SNTG1: variants seen among roughly 807,000 people sequenced by gnomAD.
SNTG1 encodes the protein syntrophin gamma 1.
SNTG1 carries 39 observed loss-of-function variants against 74.7 expected under a neutral mutation model. The ratio of observed to expected loss-of-function variants is 0.52; its 90% CI spans 0.40 to 0.68. SNTG1 has a LOEUF of 0.68. Among genes scored for constraint, SNTG1 ranks in the 30% least tolerant of loss-of-function variants. The pLI is 0.00. For missense variants in SNTG1, 685 were observed against 609.5 expected, an observed-to-expected ratio of 1.12 and a Z score of -1.30; for synonymous variants, 254 against 217.1, an observed-to-expected ratio of 1.17 and a Z score of -1.49.
chr8:50,058,139 A>T (rs1270969009), intron 1 of SNTG1, among the ~76,000 whole-genome samples: 1 of 152,102 alleles, frequency 6.6e-6, no homozygotes, highest in African/African-American at 2.4e-5. Context: ...TAAAATTTGC[A>T]CACTATCAAC....
At position 50,118,917 on chromosome 8, in the gene SNTG1, A is replaced by G. The variant is rs145100425; in HGVS notation, c.-102-53644A>G. Among the ~76,000 whole-genome samples, 28 of 141,066 alleles carry G rather than the reference A, an allele frequency of 2.0e-4. 4 individuals carry two copies. Among genetic ancestry groups the G allele is most frequent in the Admixed American group, 3.7e-4 (5 of 13,576 alleles). The allele number at this position is 141,066 out of a possible 152,430, so 92.5% of individuals were successfully genotyped here. On this transcript the variant is annotated intron_variant, in intron 1 of 18. Coordinates refer to ENST00000642720, the MANE Select transcript of SNTG1 (RefSeq NM_018967.5). ...AGAACTTCTTTGTATTAGACTTAGCAGAGACAGATGCCTGTTTTCTGCTTG... is the reference window on the plus strand; with the variant it reads ...AGAACTTCTTTGTATTAGACTTAGCGGAGACAGATGCCTGTTTTCTGCTTG...
At chr8:50,222,493 T>C (rs142206318) in intron 2 of SNTG1, among the ~76,000 whole-genome samples, 6 of 152,350 alleles carry the variant, frequency 3.9e-5, no homozygotes, top group East Asian at 3.9e-4. Flanking sequence ...TTGGGAATCA[T>C]TGAATTCTTC....
chr8:50,627,216 TA>T (rs2131083406), intron 13 of SNTG1, among the ~76,000 whole-genome samples: 1 of 152,326 alleles, frequency 6.6e-6, no homozygotes, highest in South Asian at 2.1e-4. Flanking sequence ...TGATTTTTTG[TA>T]GGTATTACAA....
chr8:50,422,769 A>G (rs898068603), intron 4 of SNTG1, among the ~76,000 whole-genome samples: 7 of 152,150 alleles, frequency 4.6e-5, no homozygotes, highest in South Asian at 2.1e-4. Context: ...AGGTTTGACA[A>G]TAGTGATGTT....
At chr8:50,459,980 G>C (rs528798380) in intron 8 of SNTG1, among the ~76,000 whole-genome samples, 2 of 152,186 alleles carry the variant, frequency 1.3e-5, no homozygotes, top group African/African-American at 4.8e-5. Context: ...AAGTGAATGC[G>C]TGTGTCTTTT....
At chr8:50,337,877 C>A (rs2091194671) in intron 2 of SNTG1, among the ~76,000 whole-genome samples, 1 of 152,200 alleles carries the variant, frequency 6.6e-6, no homozygotes, top group Non-Finnish European at 1.5e-5. Context: ...TGGCTCACGC[C>A]TGTAATCCCA....
At chr8:50,540,372 T>C (rs1014044835) in intron 11 of SNTG1, among the ~76,000 whole-genome samples, 13 of 152,326 alleles carry the variant, frequency 8.5e-5, no homozygotes, top group African/African-American at 3.1e-4. Flanking sequence ...TGCTAGATGA[T>C]TTCAATACTT....
chr8:50,503,341 T>A (rs917455296), intron 9 of SNTG1, among the ~76,000 whole-genome samples: 1 of 152,202 alleles, frequency 6.6e-6, no homozygotes, highest in African/African-American at 2.4e-5. Flanking sequence ...AATTTTATTT[T>A]CATGTTCCAT....
intron 8 of SNTG1, among the ~76,000 whole-genome samples, chr8:50,488,978 C>T (rs920054293): frequency 6.6e-6 from 1 of 152,004 alleles, no homozygotes; most frequent in Admixed American, 6.6e-5. Context: ...CTCCCTGTGT[C>T]CCTGTGTTCT....
At chr8:50,478,664 A>G (rs973947530) in intron 8 of SNTG1, among the ~76,000 whole-genome samples, 1 of 152,036 alleles carries the variant, frequency 6.6e-6, no homozygotes, top group African/African-American at 2.4e-5. Flanking sequence ...GGCTGAAACT[A>G]TCTTTGTTTT....
At chr8:50,147,680 A>C (rs760919044) in intron 1 of SNTG1, among the ~76,000 whole-genome samples, 14 of 152,188 alleles carry the variant, frequency 9.2e-5, no homozygotes, top group Non-Finnish European at 1.8e-4. Flanking sequence ...ATAGTTCTGG[A>C]TTACATCTGG....
intron 2 of SNTG1, among the ~76,000 whole-genome samples, chr8:50,323,834 A>C (rs2130830352): frequency 7.5e-6 from 1 of 132,642 alleles, no homozygotes; most frequent in East Asian, 3.1e-4. Context: ...GCTATCTGGG[A>C]GCCAGGGATT....
At chr8:50,588,604 A>T (rs1416829833) in intron 12 of SNTG1, among the ~76,000 whole-genome samples, 1 of 152,210 alleles carries the variant, frequency 6.6e-6, no homozygotes, top group Non-Finnish European at 1.5e-5. Flanking sequence ...TGCCAAATAA[A>T]TCTATTAATA....
intron 12 of SNTG1, among the ~76,000 whole-genome samples, chr8:50,561,991 T>C (rs893926847): frequency 6.6e-6 from 1 of 152,198 alleles, no homozygotes; most frequent in Non-Finnish European, 1.5e-5. Flanking sequence ...CCAAAATCCA[T>C]CTTATATATG....
chr8:50,357,175 C>T (rs972606028), intron 2 of SNTG1, among the ~76,000 whole-genome samples: 1 of 152,152 alleles, frequency 6.6e-6, no homozygotes, highest in Non-Finnish European at 1.5e-5. Flanking sequence ...TGTGGAGTTG[C>T]TCCTTCCCCT....
chr8:50,711,764 T>C (rs2131560988), intron 17 of SNTG1, among the ~76,000 whole-genome samples: 1 of 152,308 alleles, frequency 6.6e-6, no homozygotes, highest in Non-Finnish European at 1.5e-5. Flanking sequence ...TTTACATTAG[T>C]AGCATATCAA....
chr8:50,074,739 C>A (rs1821678836), intron 1 of SNTG1, among the ~76,000 whole-genome samples: 1 of 152,188 alleles, frequency 6.6e-6, no homozygotes. Flanking sequence ...CCTCCTTGGC[C>A]TAGGTGCCCA....
At chr8:50,271,871 G>A (rs557926133) in intron 2 of SNTG1, among the ~76,000 whole-genome samples, 1 of 152,304 alleles carries the variant, frequency 6.6e-6, no homozygotes, top group African/African-American at 2.4e-5. Flanking sequence ...TGAAGGATTA[G>A]GAGGTGGAGC....
chr8:50,083,364 CTT>C (rs1232560711), intron 1 of SNTG1, among the ~76,000 whole-genome samples: 4 of 152,118 alleles, frequency 2.6e-5, no homozygotes, highest in Non-Finnish European at 5.9e-5. Flanking sequence ...GCTAAAGAGA[CTT>C]AGATAATTCT....
Sources: allele counts gnomAD v4.1 joint callset (sites outside exome capture counted in the v4.1 genomes callset), GRCh38; gene constraint gnomAD v4.1.1; transcripts MANE v1.5; gene names NCBI Gene and HGNC (gene_info 2026-07-23, HGNC 2026-07-21).